Variants in TMTC2 observed in about 807,000 individuals in gnomAD.
TMTC2 encodes the protein transmembrane O-mannosyltransferase targeting cadherins 2, also known as protein O-mannosyl-transferase TMTC2.
A neutral mutation model predicts 82.4 loss-of-function variants in TMTC2; 43 were observed. The ratio of observed to expected loss-of-function variants is 0.52; its 90% CI spans 0.41 to 0.67. The LOEUF is 0.67. TMTC2 is among the 30% of genes least tolerant of loss of function. The pLI is 0.00. For synonymous variants in TMTC2, 408 were observed against 381.9 expected (o/e 1.07, Z -0.80); for missense variants, 919 against 1,012.4 (o/e 0.91, Z 1.25).
intron 2 of TMTC2, among the ~76,000 whole-genome samples, chr12:82,885,335 T>C (rs1234273499): frequency 6.6e-6 from 1 of 151,924 alleles, no homozygotes; most frequent in East Asian, 1.9e-4. Flanking sequence ...AATTTTGTTA[T>C]CTGTTTTCTT....
chr12:82,770,925 G>T (rs558203958), intron 1 of TMTC2, among the ~76,000 whole-genome samples: 1 of 152,244 alleles, frequency 6.6e-6, no homozygotes, highest in Non-Finnish European at 1.5e-5. Context: ...GTAAAGAGTT[G>T]TTGCGGGGTG....
intron 1 of TMTC2, among the ~76,000 whole-genome samples, chr12:82,767,595 A>T (rs1483189134): frequency 6.6e-6 from 1 of 152,108 alleles, no homozygotes; most frequent in East Asian, 1.9e-4. Context: ...AAACAAAAAA[A>T]AAAGTTGACC....
rs990613779 is a variant in TMTC2 at position 82,834,884 on chromosome 12, A to AT, written c.84-22115dup. On this transcript the variant is annotated intron_variant, in intron 1 of 11. Coordinates refer to ENST00000321196, the MANE Select transcript of TMTC2 (RefSeq NM_152588.3). Reference sequence around the variant, plus strand: ...CATAGATATTTATCATCATTTTATTATTTTTTTTTTTGAGATGCAATCTTG... The same window carrying AT: ...CATAGATATTTATCATCATTTTATTATTTTTTTTTTTTGAGATGCAATCTTG... 1.7e-3 allele frequency among the ~76,000 whole-genome samples: 249 copies of AT among 147,168 alleles called. 2 individuals are homozygous for AT. Among genetic ancestry groups the AT allele is most frequent in the African/African-American group, 5.3e-3 (212 of 39,774 alleles).
At chr12:82,951,814 G>C (rs1216328513) in intron 4 of TMTC2, among the ~76,000 whole-genome samples, 2 of 152,062 alleles carry the variant, frequency 1.3e-5, no homozygotes, top group Admixed American at 1.3e-4. Context: ...ATTTACATTT[G>C]CATCCTCTAT....
At chr12:83,065,476 C>A (rs141478057) in intron 11 of TMTC2, among the ~76,000 whole-genome samples, 78 of 151,916 alleles carry the variant, frequency 5.1e-4, no homozygotes, top group African/African-American at 1.8e-3. Context: ...TTAGAGAAGT[C>A]TATTTATTAC....
intron 8 of TMTC2, among the ~76,000 whole-genome samples, chr12:82,988,865 C>G (rs908104699): frequency 1.3e-4 from 19 of 146,070 alleles, no homozygotes; most frequent in African/African-American, 4.6e-4. Flanking sequence ...ATCTAGAATG[C>G]CTGTCTGTGC....
intron 11 of TMTC2, among the ~76,000 whole-genome samples, chr12:83,106,166 A>G (rs1306403505): frequency 6.6e-6 from 1 of 152,174 alleles, no homozygotes; most frequent in Non-Finnish European, 1.5e-5. Flanking sequence ...TAAGGAAACA[A>G]TGTAAAAAGA....
At position 83,118,248 on chromosome 12, in the gene TMTC2, AGTTCTCTAGAG is replaced by A. The variant is rs530959846; in HGVS notation, c.2332-13960_2332-13950del. Among the ~76,000 whole-genome samples, 18 of 152,192 alleles carry A rather than the reference AGTTCTCTAGAG, an allele frequency of 1.2e-4. No individual in the cohort carries two copies. The South Asian group carries it at 3.7e-3, about 32-fold the overall frequency. ...AGAGTTGGTGTCCTTGTCTTGTTCC[AGTTCTCTAGAG>A]GGAATGCTTTCAACTTTTCCCCATT... On this transcript the variant is annotated intron_variant, in intron 11 of 11. Coordinates refer to ENST00000321196, the MANE Select transcript of TMTC2 (RefSeq NM_152588.3).
intron 1 of TMTC2, among the ~76,000 whole-genome samples, chr12:82,698,219 A>G (rs1416247846): frequency 6.6e-6 from 1 of 152,168 alleles, no homozygotes; most frequent in African/African-American, 2.4e-5. Flanking sequence ...CTTTCTTTTT[A>G]AAATACTGTA....
intron 11 of TMTC2, among the ~76,000 whole-genome samples, chr12:83,067,967 C>G (rs895597915): frequency 3.3e-5 from 5 of 151,988 alleles, no homozygotes; most frequent in African/African-American, 1.2e-4. Context: ...TTCCCAGGTA[C>G]TTAGAACATA....
intron 4 of TMTC2, among the ~76,000 whole-genome samples, chr12:82,946,575 C>G (rs184040248): frequency 1.0e-3 from 158 of 152,182 alleles, no homozygotes; most frequent in Non-Finnish European, 5.9e-5. Context: ...GAGGGTGTTT[C>G]ATGGCACAGG....
At chr12:83,099,847 CTACTGAATTAT>C (rs1206197810) in intron 11 of TMTC2, among the ~76,000 whole-genome samples, 8 of 151,914 alleles carry the variant, frequency 5.3e-5, no homozygotes, top group Non-Finnish European at 1.0e-4. Flanking sequence ...TTGCACATTA[CTACTGAATTAT>C]TATAGCTTTT....
At chr12:83,028,982 T>C (rs1032116687) in intron 8 of TMTC2, among the ~76,000 whole-genome samples, 4 of 152,198 alleles carry the variant, frequency 2.6e-5, no homozygotes, top group Admixed American at 2.6e-4. Context: ...GTAGCATTAC[T>C]AAATTGATAG....
chr12:82,698,147 TA>T (rs1872902482), intron 1 of TMTC2, among the ~76,000 whole-genome samples: 2 of 152,174 alleles, frequency 1.3e-5, no homozygotes. Context: ...TCTGAAGTTT[TA>T]AAGTCCTAGT....
At chr12:83,015,138 T>G (rs1441687717) in intron 8 of TMTC2, among the ~76,000 whole-genome samples, 1 of 152,162 alleles carries the variant, frequency 6.6e-6, no homozygotes, top group Admixed American at 6.5e-5. Flanking sequence ...TTTAGATAAT[T>G]TAATAATTTA....
At chr12:83,001,932 T>C (rs1796153) in intron 8 of TMTC2, among the ~76,000 whole-genome samples, 116,458 of 152,074 alleles carry the variant, frequency 0.77, 46,141 homozygotes, top group South Asian at 0.93. Flanking sequence ...CATTATTGAC[T>C]CGAAGTTTTC....
At chr12:83,094,274 G>T (rs774321104) in intron 11 of TMTC2, among the ~76,000 whole-genome samples, 2 of 152,234 alleles carry the variant, frequency 1.3e-5, no homozygotes, top group Non-Finnish European at 2.9e-5. Context: ...CCTTGGCTGA[G>T]CCTTGGAAGA....
At chr12:82,724,189 C>G (rs1400898465) in intron 1 of TMTC2, among the ~76,000 whole-genome samples, 1 of 152,158 alleles carries the variant, frequency 6.6e-6, no homozygotes, top group Non-Finnish European at 1.5e-5. Context: ...CATTTATTAA[C>G]TTTGGAGCCC....
At chr12:82,965,212 T>C (rs1878137209) in intron 5 of TMTC2, 103 bp downstream of exon 5, 1 of 835,332 alleles carries the variant, frequency 1.2e-6, no homozygotes, top group Non-Finnish European at 1.9e-6. Flanking sequence ...CTCTTATTTC[T>C]GAATACTCGC....
Sources: allele counts gnomAD v4.1 joint callset (sites outside exome capture counted in the v4.1 genomes callset), GRCh38; gene constraint gnomAD v4.1.1; transcripts MANE v1.5; gene names NCBI Gene and HGNC (gene_info 2026-07-23, HGNC 2026-07-21).